The following AGXT2 variants were observed in gnomAD, a reference collection of about 807,000 sequenced individuals.
The protein encoded by AGXT2 is alanine--glyoxylate aminotransferase 2, mitochondrial.
A neutral mutation model predicts 62.5 loss-of-function variants in AGXT2; 61 were observed. That is an observed-to-expected ratio of 0.98 (90% CI 0.79 to 1.21). The LOEUF (loss-of-function observed/expected upper bound fraction) is 1.21. AGXT2 is among the 50% of genes most tolerant of loss of function. AGXT2 has a pLI of 0.00. For missense variants in AGXT2, 666 were observed against 641.5 expected (o/e 1.04, Z -0.41); for synonymous variants, 243 against 218.7 (o/e 1.11, Z -0.98).
At chr5:35,026,908 A>G in intron 7 of AGXT2, 1 of 985,132 alleles carries the variant, frequency 1.0e-6, no homozygotes, top group African/African-American at 1.7e-5. Flanking sequence ...AAATAACTCT[A>G]TTTACCTTTC....
chr5:35,025,640 G>C, intron 9 of AGXT2, 123 bp downstream of exon 9: 1 of 969,556 alleles, frequency 1.0e-6, no homozygotes, highest in Non-Finnish European at 1.6e-6. Context: ...TTCATTTGTA[G>C]GCAAACTTTG....
Position 35,025,857 on chromosome 5 carries a change from T to G in AGXT2, c.871-2A>C, listed in dbSNP as rs769694105. ...GTACTGGACAACTCCATTCACACCCTGCAAAAGACCAGACCAAGAAGACCT... is the reference window on the plus strand; with the variant it reads ...GTACTGGACAACTCCATTCACACCCGGCAAAAGACCAGACCAAGAAGACCT... On this transcript the variant is annotated splice_acceptor_variant, in intron 8 of 13. Coordinates refer to ENST00000231420, the MANE Select transcript of AGXT2 (RefSeq NM_031900.4). LOFTEE classifies it high-confidence loss of function. The G allele has an allele frequency of 1.2e-6, 2 of 1,613,856 alleles. No individual in the cohort carries two copies. The highest frequency in any genetic ancestry group is 4.5e-5 in the East Asian group (2 of 44,888).
Position 35,025,938 on chromosome 5 carries a change from A to C in AGXT2, c.871-83T>G, listed in dbSNP as rs1001835067. ...ATAAAAAAGTTAGATCATCATTATC[A>C]TCATTATCATGACAGTAACACTAGC... is the stretch of plus-strand genomic sequence containing the variant. On this transcript the variant is annotated intron_variant, in intron 8 of 13. Transcript: ENST00000231420. The C allele has an allele frequency of 9.5e-6, 11 of 1,152,344 alleles. No individual in the cohort carries two copies. The Admixed American group carries it at 1.3e-4, about 14-fold the overall frequency. 71.4% of individuals were successfully genotyped at this position (1,152,344 alleles called of 1,614,324 possible). A position where few individuals can be genotyped will look rare whatever the true frequency, so the allele number is the denominator to read the frequency against.
intron 12 of AGXT2, 66 bp from the exon 13 acceptor site, chr5:35,003,927 A>C: frequency 2.0e-6 from 3 of 1,497,712 alleles, no homozygotes; most frequent in East Asian, 4.7e-5. Flanking sequence ...TATTTGCAAG[A>C]GAGGAAAAAA....
At chr5:35,012,102 A>T (rs1022482607) in intron 11 of AGXT2, among the ~76,000 whole-genome samples, 2 of 152,124 alleles carry the variant, frequency 1.3e-5, no homozygotes, top group African/African-American at 4.8e-5. Flanking sequence ...GAGGGGGGTG[A>T]GGGATGGAAA....
In AGXT2 at chr5:35,045,593, TCAA is replaced by T. The variant is rs1768156949; in HGVS notation, c.88+2209_88+2211del. ...TGTATATATTGCACATGGCAGGTGC[TCAA>T]TAAATGTATGTTAGTGAGTGTGTGT... On this transcript the variant is annotated intron_variant, in intron 1 of 13. Transcript: ENST00000231420. Among the ~76,000 whole-genome samples the T allele has an allele frequency of 3.9e-5, 6 of 152,118 alleles. No homozygotes were observed. In the South Asian group the frequency reaches 1.2e-3, roughly 31 times the overall value.
chr5:35,030,508 C>CA (rs34547590), intron 7 of AGXT2, among the ~76,000 whole-genome samples: 2,734 of 151,244 alleles, frequency 0.018, 79 homozygotes, highest in African/African-American at 0.063. Context: ...GACTTTGTCT[C>CA]AAAAAAAAAA....
intron 12 of AGXT2, among the ~76,000 whole-genome samples, chr5:35,007,654 G>T (rs1766479428): frequency 1.3e-5 from 2 of 152,222 alleles, no homozygotes; most frequent in South Asian, 2.1e-4. Flanking sequence ...CAGGTGGTCT[G>T]CCCTTAGAGC....
chr5:35,002,781 G>GA (rs142765589), intron 13 of AGXT2, among the ~76,000 whole-genome samples: 5 of 72,758 alleles, frequency 6.9e-5, no homozygotes, highest in East Asian at 6.8e-4. Context: ...CAGGCTGGGG[G>GA]GGGGGACTAA....
At chr5:35,045,234 G>C (rs1768140627) in intron 1 of AGXT2, among the ~76,000 whole-genome samples, 1 of 152,116 alleles carries the variant, frequency 6.6e-6, no homozygotes, top group Non-Finnish European at 1.5e-5. Flanking sequence ...ATATTGTACA[G>C]TAACTATGTA....
intron 12 of AGXT2, among the ~76,000 whole-genome samples, 153 bp from the exon 13 acceptor site, chr5:35,004,014 A>G (rs1766333588): frequency 6.6e-6 from 1 of 151,936 alleles, no homozygotes. Flanking sequence ...TTCCCCTGTA[A>G]TTAAATGAAG....
At chr5:35,024,395 T>C (rs560404328) in intron 9 of AGXT2, among the ~76,000 whole-genome samples, 8 of 152,332 alleles carry the variant, frequency 5.3e-5, no homozygotes, top group South Asian at 4.2e-4. Context: ...TCTCCATAGC[T>C]ACTCTCAGTA....
At position 35,025,760 on chromosome 5, in the gene AGXT2, T is replaced by C. The variant is rs550132836; in HGVS notation, c.963+3A>G. On this transcript the variant is annotated splice_donor_region_variant and intron_variant, in intron 9 of 13. Coordinates refer to ENST00000231420, the MANE Select transcript of AGXT2 (RefSeq NM_031900.4). ...CTCAATGGCACCCTTACATGCCACT[T>C]ACTTCATCTGCAATGCACACGCCTC... 5.6e-6 allele frequency: 9 copies of C among 1,614,048 alleles called. No individual in the cohort carries two copies. In the Admixed American group the frequency reaches 1.2e-4, roughly 21 times the overall value.
In AGXT2 at chr5:35,044,746, AT is replaced by A. The variant is rs540184799; in HGVS notation, c.88+3058del. Among the ~76,000 whole-genome samples, 894 of 152,202 alleles carry A rather than the reference AT, an allele frequency of 5.9e-3. 10 individuals are homozygous for A. Among genetic ancestry groups the A allele is most frequent in the African/African-American group, 0.02 (844 of 41,518 alleles). ...TGTCCACAAGCAAGAGCACTCCTCG[AT>A]TCCTGATTCTGAGGTGGGTGGGTCT... On this transcript the variant is annotated intron_variant, in intron 1 of 13. Transcript: ENST00000231420.
rs1766110288 is a variant in AGXT2, at chr5:34,998,457, T to C, written c.*262A>G. The C allele has an allele frequency of 1.9e-6, 1 of 532,672 alleles. No individual in the cohort carries two copies. The highest frequency in any genetic ancestry group is 3.4e-5 in the East Asian group (1 of 29,652). 33.0% of individuals were successfully genotyped at this position (532,672 alleles called of 1,614,324 possible). A position where few individuals can be genotyped will look rare whatever the true frequency, so the allele number is the denominator to read the frequency against. ...ATAAACCAATCACTGCAAAGGGGAA[T>C]CAAATTACCATACCTAACATAAACT... On this transcript the variant is annotated 3_prime_UTR_variant, in exon 14 of 14. Transcript: ENST00000231420.
At chr5:34,998,933 T>C in intron 13 of AGXT2, 107 bp from the exon 14 acceptor site, 1 of 845,030 alleles carries the variant, frequency 1.2e-6, no homozygotes, top group South Asian at 1.4e-5. Flanking sequence ...AGGATGTTTC[T>C]CATGTTTCTC....
intron 4 of AGXT2, among the ~76,000 whole-genome samples, chr5:35,036,070 C>T (rs1162390602): frequency 1.0e-5 from 1 of 96,584 alleles, no homozygotes; most frequent in Non-Finnish European, 2.2e-5. Flanking sequence ...GAGTGAGACT[C>T]CGTCTCAAAA....
rs72046873 is a variant in AGXT2 at position 35,023,861 on chromosome 5, ATATTTATTTATTTATT to A, written c.963+1886_963+1901del. Among the ~76,000 whole-genome samples the A allele has an allele frequency of 1.3e-3, 182 of 144,056 alleles. 2 individuals carry two copies. Among genetic ancestry groups the A allele is most frequent in the African/African-American group, 3.7e-3 (143 of 38,746 alleles). 94.5% of individuals were successfully genotyped at this position (144,056 alleles called of 152,430 possible). On this transcript the variant is annotated intron_variant, in intron 9 of 13. Transcript: ENST00000231420. ...GACAGCTCAGTGTCAGCTGTAGGGA[ATATTTATTTATTTATT>A]TATTTATTTATTTATTTATTTATTT...
intron 9 of AGXT2, among the ~76,000 whole-genome samples, chr5:35,021,087 T>C (rs924686730): frequency 6.6e-6 from 1 of 152,140 alleles, no homozygotes; most frequent in East Asian, 1.9e-4. Flanking sequence ...TACAAACAAA[T>C]GGAAGAATAT....
Sources: gnomAD v4.1 joint callset for allele counts (sites outside exome capture counted in the v4.1 genomes callset) on GRCh38, gnomAD v4.1.1 for gene constraint, MANE v1.5 for transcripts, NCBI Gene and HGNC (gene_info 2026-07-23, HGNC 2026-07-21) for gene names.